The following CHODL variants were observed in gnomAD, a reference collection of about 807,000 sequenced individuals.
CHODL encodes the protein chondrolectin.
In CHODL, 29 loss-of-function variants were observed where a neutral mutation model predicts 34.5. That is an observed-to-expected ratio of 0.84 (90% CI 0.63 to 1.15). The LOEUF (loss-of-function observed/expected upper bound fraction) is 1.15, where lower values mean the gene tolerates loss of function less well. CHODL is among the 50% of genes most tolerant of loss of function. The probability of loss-of-function intolerance (pLI) is 0.00; values close to 1 mark genes in which losing one functional copy is unlikely to be tolerated. For synonymous variants in CHODL, 125 were observed against 116.1 expected, an observed-to-expected ratio of 1.08 and a Z score of -0.49; for missense variants, 332 against 332.5, an observed-to-expected ratio of 1.00 and a Z score of 0.01.
At chr21:18,184,322 G>C (rs1020335554) in intron 2 of CHODL, among the ~76,000 whole-genome samples, 2 of 152,082 alleles carry the variant, frequency 1.3e-5, no homozygotes, top group Admixed American at 6.6e-5. Context: ...TTGACCTTAT[G>C]TTTTGAAACA....
At chr21:18,231,136 A>G (rs1261288478) in intron 2 of CHODL, among the ~76,000 whole-genome samples, 1 of 152,138 alleles carries the variant, frequency 6.6e-6, no homozygotes, top group Non-Finnish European at 1.5e-5. Flanking sequence ...CTTTTGAAGA[A>G]ACCATCTTAC....
chr21:17,939,223 T>C (rs2063344370), intron 1 of CHODL, among the ~76,000 whole-genome samples: 1 of 152,200 alleles, frequency 6.6e-6, no homozygotes. Flanking sequence ...GCCTGCTGAT[T>C]AGTAACTCCT....
At chr21:18,010,859 C>T (rs2064012717) in intron 1 of CHODL, among the ~76,000 whole-genome samples, 1 of 152,124 alleles carries the variant, frequency 6.6e-6, no homozygotes, top group South Asian at 2.1e-4. Flanking sequence ...TTTGTTTAAG[C>T]AAGGTAAAAT....
intron 1 of CHODL, among the ~76,000 whole-genome samples, chr21:17,985,142 A>G (rs2063743523): frequency 6.6e-6 from 1 of 152,146 alleles, no homozygotes; most frequent in South Asian, 2.1e-4. Flanking sequence ...GAGAAAACGG[A>G]TGTATCTATA....
chr21:17,981,457 A>G (rs1040071200), intron 1 of CHODL, among the ~76,000 whole-genome samples: 1 of 152,168 alleles, frequency 6.6e-6, no homozygotes, highest in Non-Finnish European at 1.5e-5. Flanking sequence ...TTGAGTTTCC[A>G]TGGAAACAGA....
At chr21:18,053,423 A>G (rs908031482) in intron 2 of CHODL, among the ~76,000 whole-genome samples, 1 of 151,936 alleles carries the variant, frequency 6.6e-6, no homozygotes, top group Non-Finnish European at 1.5e-5. Context: ...GGTAGCCAAA[A>G]CAGTTTTTGG....
intron 2 of CHODL, among the ~76,000 whole-genome samples, chr21:18,145,441 A>C (rs894651822): frequency 2.7e-5 from 4 of 150,606 alleles, no homozygotes; most frequent in African/African-American, 4.9e-5. Context: ...CTTTCAAAAA[A>C]AAAAAAAAAA....
intron 2 of CHODL, among the ~76,000 whole-genome samples, chr21:18,127,221 G>C (rs1305646691): frequency 6.6e-6 from 1 of 152,108 alleles, no homozygotes; most frequent in Admixed American, 6.5e-5. Flanking sequence ...TAAAAATACA[G>C]TGTAATGATG....
chr21:18,249,716 T>C (rs2074212462), intron 1 of CHODL, among the ~76,000 whole-genome samples: 1 of 152,192 alleles, frequency 6.6e-6, no homozygotes, highest in Non-Finnish European at 1.5e-5. Flanking sequence ...TAGAGCCAGA[T>C]GGCCTGGTTT....
At chr21:18,088,193 C>T (rs748094485) in intron 2 of CHODL, among the ~76,000 whole-genome samples, 9 of 152,040 alleles carry the variant, frequency 5.9e-5, no homozygotes, top group African/African-American at 1.4e-4. Context: ...CCCTGAGGAC[C>T]GGAGAGGGTG....
intron 2 of CHODL, among the ~76,000 whole-genome samples, chr21:18,056,604 G>A (rs941598411): frequency 2.0e-4 from 30 of 151,446 alleles, no homozygotes; most frequent in African/African-American, 2.7e-4. Flanking sequence ...CTTGGAGATC[G>A]TTTTGTTCCA....
intron 2 of CHODL, among the ~76,000 whole-genome samples, chr21:18,061,342 A>G (rs1238474028): frequency 6.6e-6 from 1 of 152,220 alleles, no homozygotes; most frequent in Admixed American, 6.5e-5. Context: ...TACTAGCTGT[A>G]CAAATATATA....
intron 2 of CHODL, among the ~76,000 whole-genome samples, chr21:18,059,538 T>C (rs1600949167): frequency 6.6e-6 from 1 of 151,490 alleles, no homozygotes; most frequent in East Asian, 2.0e-4. Context: ...TGGGGTTACA[T>C]ATGCAGGATG....
At chr21:18,082,471 T>C (rs1185835852) in intron 2 of CHODL, among the ~76,000 whole-genome samples, 1 of 152,014 alleles carries the variant, frequency 6.6e-6, no homozygotes, top group African/African-American at 2.4e-5. Context: ...TGGAAGTGGG[T>C]AATGGGTAGA....
chr21:17,945,331 C>A (rs2063398300), intron 1 of CHODL, among the ~76,000 whole-genome samples: 1 of 150,530 alleles, frequency 6.6e-6, no homozygotes, highest in Admixed American at 6.6e-5. Flanking sequence ...TACAAAAATA[C>A]ACAGATAGAT....
intron 1 of CHODL, among the ~76,000 whole-genome samples, chr21:17,927,872 T>C (rs113177469): frequency 3.3e-5 from 5 of 152,348 alleles, no homozygotes; most frequent in African/African-American, 1.2e-4. Flanking sequence ...AAATGAAAGA[T>C]GTAGCTGCTC....
intron 2 of CHODL, among the ~76,000 whole-genome samples, chr21:18,095,244 T>C (rs2065125716): frequency 6.6e-6 from 1 of 151,588 alleles, no homozygotes; most frequent in African/African-American, 2.4e-5. Flanking sequence ...TTAAACAAAA[T>C]TGACAAACCT....
intron 2 of CHODL, among the ~76,000 whole-genome samples, chr21:18,030,703 C>T (rs773626042): frequency 6.6e-6 from 1 of 152,050 alleles, no homozygotes; most frequent in African/African-American, 2.4e-5. Flanking sequence ...CAGTGGAAAT[C>T]TCTTTAGGAT....
At chr21:18,066,813 A>C (rs1182727379) in intron 2 of CHODL, among the ~76,000 whole-genome samples, 1 of 152,180 alleles carries the variant, frequency 6.6e-6, no homozygotes, top group Non-Finnish European at 1.5e-5. Flanking sequence ...CCTTATAAGA[A>C]GACGAAATTT....
Sources: allele counts gnomAD v4.1 joint callset (sites outside exome capture counted in the v4.1 genomes callset), GRCh38; gene constraint gnomAD v4.1.1; transcripts MANE v1.5; gene names NCBI Gene and HGNC (gene_info 2026-07-23, HGNC 2026-07-21).